Variants in C11orf54 observed in about 807,000 individuals in gnomAD.
C11orf54 encodes the protein beta-keto-L-gulonate decarboxylase, also known as beta-keto L-gulonate decarboxylase.
In C11orf54, 29 loss-of-function variants were observed where a neutral mutation model predicts 35.5. The observed-to-expected ratio is 0.82, with a 90% CI of 0.61 to 1.11. C11orf54 has a LOEUF of 1.11. C11orf54 is among the 50% of genes most tolerant of loss of function. The pLI, the probability that C11orf54 is intolerant of heterozygous loss-of-function variation, is 0.00. For missense variants in C11orf54, 373 were observed against 369.2 expected, an observed-to-expected ratio of 1.01 and a Z score of -0.08; for synonymous variants, 108 against 121.1, an observed-to-expected ratio of 0.89 and a Z score of 0.71.
chr11:93,761,355 ATTTT>A (rs1943458092), intron 8 of C11orf54, among the ~76,000 whole-genome samples, 156 bp from the exon 9 acceptor site: 2 of 152,212 alleles, frequency 1.3e-5, no homozygotes, highest in African/African-American at 4.8e-5. Context: ...AAGAAGATAC[ATTTT>A]ACTGAATACA....
rs777472198 is a variant in C11orf54, at chr11:93,757,335, AAAG to A, written c.533_535del (p.Arg178del). On this transcript the variant is annotated inframe_deletion, in exon 7 of 9. Transcript: ENST00000354421. ...CTATAGGTAATTGAGGTGAAAGCCAAAAGAAGAACTGGACCACTTAACTTTGTG... is the reference window on the plus strand; with the variant it reads ...CTATAGGTAATTGAGGTGAAAGCCAAAAGAACTGGACCACTTAACTTTGTG... 5.8e-5 allele frequency: 93 copies of A among 1,598,280 alleles called. No homozygotes were observed. In the South Asian group the frequency reaches 8.0e-4, roughly 14 times the overall value.
At chr11:93,747,827 C>G (rs11020509) in intron 2 of C11orf54, among the ~76,000 whole-genome samples, 21,276 of 152,078 alleles carry the variant, frequency 0.14, 1,937 homozygotes, top group Middle Eastern at 0.22. Flanking sequence ...TAAATGTATA[C>G]TCTACTGTTG....
chr11:93,760,593 A>G (rs547076512), intron 8 of C11orf54, among the ~76,000 whole-genome samples: 5 of 152,286 alleles, frequency 3.3e-5, no homozygotes, highest in East Asian at 3.9e-4. Flanking sequence ...TTATAATACT[A>G]TACGCTAGAA....
rs1237170410 is a variant in C11orf54, at chr11:93,751,465, C to T, written c.154+1021C>T. On this transcript the variant is annotated intron_variant, in intron 3 of 8. Coordinates refer to ENST00000354421, the MANE Select transcript of C11orf54 (RefSeq NM_001286069.2). ...CTGTCACCAGGCTGGAGTTCAGTGGCGCAATCTCAGCTCACTGCAACCTCT... is the reference window on the plus strand; with the variant it reads ...CTGTCACCAGGCTGGAGTTCAGTGGTGCAATCTCAGCTCACTGCAACCTCT... Among the ~76,000 whole-genome samples the T allele has an allele frequency of 4.3e-5, 6 of 138,650 alleles. No homozygotes were observed. In the East Asian group the frequency reaches 6.3e-4, roughly 15 times the overall value. The allele number at this position is 138,650 out of a possible 152,430, so 91.0% of individuals were successfully genotyped here.
At chr11:93,745,362 T>A (rs11020507) in intron 1 of C11orf54, among the ~76,000 whole-genome samples, 1 of 151,978 alleles carries the variant, frequency 6.6e-6, no homozygotes, top group Non-Finnish European at 1.5e-5. Context: ...TGCAGCTTTC[T>A]GCAGTGCATC....
chr11:93,748,199 T>C (rs1488068394), intron 2 of C11orf54, among the ~76,000 whole-genome samples: 1 of 152,212 alleles, frequency 6.6e-6, no homozygotes, highest in Non-Finnish European at 1.5e-5. Context: ...TATAATCTTT[T>C]TTTTTTTCCC....
At chr11:93,751,015 CGA>C (rs1056746701) in intron 3 of C11orf54, among the ~76,000 whole-genome samples, 32 of 152,096 alleles carry the variant, frequency 2.1e-4, no homozygotes, top group African/African-American at 7.7e-4. Flanking sequence ...AAACTGAAAA[CGA>C]GAGAGGCTAG....
At chr11:93,748,268 A>G (rs1344050457) in intron 2 of C11orf54, among the ~76,000 whole-genome samples, 1 of 151,456 alleles carries the variant, frequency 6.6e-6, no homozygotes, top group East Asian at 1.9e-4. Context: ...CTTTTTCATC[A>G]GTCTGTCTTC....
At position 93,762,893 on chromosome 11, in the gene C11orf54, TC is replaced by T. The variant is rs1456932395; in HGVS notation, c.*1206del. On this transcript the variant is annotated 3_prime_UTR_variant, in exon 9 of 9. Coordinates refer to ENST00000354421, the MANE Select transcript of C11orf54 (RefSeq NM_001286069.2). ...TTCCTGAATAATCATTAGCCAAAGA[TC>T]AACTCTCTAATGGTGCTAATGGCAA... The T allele has an allele frequency of 6.6e-6, 1 of 152,182 alleles. No individual in the cohort carries two copies. The highest frequency in any genetic ancestry group is 1.5e-5 in the Non-Finnish European group (1 of 68,038). 9.4% of individuals were successfully genotyped at this position (152,182 alleles called of 1,614,324 possible). A position where few individuals can be genotyped will look rare whatever the true frequency, so the allele number is the denominator to read the frequency against.
intron 3 of C11orf54, among the ~76,000 whole-genome samples, chr11:93,752,772 G>A (rs1786645): frequency 0.017 from 2,135 of 126,274 alleles, 64 homozygotes; most frequent in African/African-American, 0.065. Context: ...TTTTTGAGAC[G>A]GAGTCTCGCT....
chr11:93,743,267 C>CT (rs1942241773), intron 1 of C11orf54, among the ~76,000 whole-genome samples: 1 of 152,052 alleles, frequency 6.6e-6, no homozygotes, highest in South Asian at 2.1e-4. Context: ...TCCCAAAGTG[C>CT]TGGGAGTACA....
At position 93,763,114 on chromosome 11, in the gene C11orf54, A is replaced by C. The variant is rs930018945; in HGVS notation, c.*1426A>C. ...TTTGTAATATCTTACCTCCAGACAAAATAATATTAATAGTCTATCATTTAA... is the reference window on the plus strand; with the variant it reads ...TTTGTAATATCTTACCTCCAGACAACATAATATTAATAGTCTATCATTTAA... On this transcript the variant is annotated 3_prime_UTR_variant, in exon 9 of 9. Transcript: ENST00000354421. 2 of 152,210 alleles carry C rather than the reference A, an allele frequency of 1.3e-5. No homozygotes were observed. The highest frequency in any genetic ancestry group is 4.8e-5 in the African/African-American group (2 of 41,444). 9.4% of individuals were successfully genotyped at this position (152,210 alleles called of 1,614,324 possible).
At position 93,750,449 on chromosome 11, in the gene C11orf54, G is replaced by C. The variant is rs1306630464; in HGVS notation, c.154+5G>C. The C allele has an allele frequency of 6.3e-7, 1 of 1,589,706 alleles. No individual in the cohort carries two copies. Among genetic ancestry groups the C allele is most frequent in the South Asian group, 1.1e-5 (1 of 89,386 alleles). On this transcript the variant is annotated splice_donor_5th_base_variant and intron_variant, in intron 3 of 8. Transcript: ENST00000354421. ...CCTTTACCTTTCCTGTAAAAGGTAA[G>C]CAATTTTTGCAATTAGCTTTTGTTT... is the stretch of plus-strand genomic sequence containing the variant.
intron 6 of C11orf54, 127 bp from the exon 7 acceptor site, chr11:93,757,189 A>C (rs1372145074): frequency 1.0e-6 from 1 of 989,690 alleles, no homozygotes; most frequent in South Asian, 1.8e-5. Context: ...GCAACATCTC[A>C]ACTCAGATCT....
At chr11:93,749,975 T>C (rs902852698) in intron 2 of C11orf54, among the ~76,000 whole-genome samples, 3 of 152,234 alleles carry the variant, frequency 2.0e-5, no homozygotes, top group African/African-American at 2.4e-5. Flanking sequence ...TTCAACATAT[T>C]GTCTGTTACC....
In C11orf54 at chr11:93,761,698, T is replaced by TA. The variant is rs758883755; in HGVS notation, c.*11dup. On this transcript the variant is annotated 3_prime_UTR_variant, in exon 9 of 9. Transcript: ENST00000354421. ...AATTGGGCGAGATTAAATCAGCTGATACTTATTTAGAAAAAGAAATAATTA... is the reference window on the plus strand; with the variant it reads ...AATTGGGCGAGATTAAATCAGCTGATAACTTATTTAGAAAAAGAAATAATTA... 3.3e-6 allele frequency: 5 copies of TA among 1,535,502 alleles called. No homozygotes were observed. Among genetic ancestry groups the TA allele is most frequent in the Non-Finnish European group, 4.4e-6 (5 of 1,141,974 alleles).
chr11:93,751,842 T>TTGTG (rs1242748223), intron 3 of C11orf54, among the ~76,000 whole-genome samples: 3 of 138,390 alleles, frequency 2.2e-5, no homozygotes, highest in Non-Finnish European at 4.7e-5. Flanking sequence ...TTTTTTTTTT[T>TTGTG]TGTGTGTGTG....
At position 93,761,593 on chromosome 11, in the gene C11orf54, C is replaced by A. The variant is rs1453444105; in HGVS notation, c.853C>A (p.Pro285Thr). The change falls in exon 9 of 9, where the codon CCA becomes ACA. Residue 285 changes from proline (P) to threonine (T), a missense_variant. Physicochemically the swap from Pro to Thr is conservative, Grantham distance 38. Coordinates refer to ENST00000354421, the MANE Select transcript of C11orf54 (RefSeq NM_001286069.2). ...TGGACACTACCATTATGACACTACT[C>A]CAGATATAGTGGAATATCTTGGATA... Reference protein sequence around the residue: ...EGGHYHYDTTPDIVEYLGYFL... With the variant: ...EGGHYHYDTTTDIVEYLGYFL... 8 of 1,613,424 alleles carry A rather than the reference C, an allele frequency of 5.0e-6. No individual in the cohort carries two copies. Among genetic ancestry groups the A allele is most frequent in the Admixed American group, 1.7e-5 (1 of 59,924 alleles).
chr11:93,742,384 A>C (rs1042109402), intron 1 of C11orf54, among the ~76,000 whole-genome samples: 6 of 151,832 alleles, frequency 4.0e-5, no homozygotes, highest in Non-Finnish European at 7.4e-5. Flanking sequence ...CCCGGGTTCA[A>C]GCGATTCTCC....
Sources: gnomAD v4.1 joint callset for allele counts (sites outside exome capture counted in the v4.1 genomes callset) on GRCh38, gnomAD v4.1.1 for gene constraint, MANE v1.5 for transcripts, NCBI Gene and HGNC (gene_info 2026-07-23, HGNC 2026-07-21) for gene names.